The following HDAC9 variants were observed in gnomAD, a reference collection of about 807,000 sequenced individuals.
HDAC9 encodes the protein MEF-2 interacting transcription repressor (MITR) protein.
In HDAC9, 41 loss-of-function variants were observed where a neutral mutation model predicts 139.4. That is an observed-to-expected ratio of 0.29 (90% CI 0.23 to 0.38). HDAC9 has a LOEUF of 0.38. Among genes scored for constraint, HDAC9 ranks in the 10% least tolerant of loss-of-function variants. The pLI is 1.00. For synonymous variants in HDAC9, 517 were observed against 476.2 expected (o/e 1.09, Z -1.12); for missense variants, 1,147 against 1,297.0 (o/e 0.88, Z 1.78).
intron 8 of HDAC9, among the ~76,000 whole-genome samples, chr7:18,642,904 G>A (rs955319026): frequency 2.6e-5 from 4 of 152,040 alleles, no homozygotes; most frequent in Non-Finnish European, 5.9e-5. Context: ...CTCCCAGTCC[G>A]TGTCAAATCC....
At chr7:18,451,621 A>T (rs1792873642) in intron 1 of HDAC9, among the ~76,000 whole-genome samples, 1 of 151,810 alleles carries the variant, frequency 6.6e-6, no homozygotes, top group Admixed American at 6.6e-5. Context: ...CCACTGATTT[A>T]TGTGGATATA....
chr7:18,451,977 G>T (rs1388609308), intron 1 of HDAC9, among the ~76,000 whole-genome samples: 1 of 152,132 alleles, frequency 6.6e-6, no homozygotes, highest in African/African-American at 2.4e-5. Flanking sequence ...TATCCCAGAT[G>T]TTAAGGACTG....
intron 1 of HDAC9, among the ~76,000 whole-genome samples, chr7:18,339,900 G>A (rs1237905584): frequency 2.6e-5 from 4 of 151,388 alleles, no homozygotes; most frequent in African/African-American, 9.7e-5. Flanking sequence ...GTGCTAATGA[G>A]GTCAAGTATG....
chr7:18,759,932 G>T (rs1380839121), intron 14 of HDAC9, among the ~76,000 whole-genome samples: 1 of 152,132 alleles, frequency 6.6e-6, no homozygotes, highest in East Asian at 1.9e-4. Context: ...TGTTATACCG[G>T]AAGTAAAAAT....
intron 1 of HDAC9, among the ~76,000 whole-genome samples, chr7:18,334,978 A>G (rs1362117783): frequency 6.6e-6 from 1 of 151,498 alleles, no homozygotes; most frequent in Admixed American, 6.6e-5. Flanking sequence ...CACTTAGGAG[A>G]CAACTTTTCT....
chr7:18,188,647 C>T (rs1021085548), intron 2 of HDAC9, among the ~76,000 whole-genome samples: 1 of 152,090 alleles, frequency 6.6e-6, no homozygotes, highest in South Asian at 2.1e-4. Flanking sequence ...AACATATTTA[C>T]AAGAAAAAGA....
At chr7:18,468,591 G>A (rs778562634) in intron 1 of HDAC9, among the ~76,000 whole-genome samples, 8 of 152,168 alleles carry the variant, frequency 5.3e-5, no homozygotes, top group South Asian at 2.1e-4. Context: ...CTACAGGCAC[G>A]TGTCTCTTGG....
chr7:18,793,079 G>A, intron 16 of HDAC9: 1 of 429,754 alleles, frequency 2.3e-6, no homozygotes. Flanking sequence ...TGGCAGTGAG[G>A]CATGGCAGGA....
At chr7:18,587,411 C>T (rs967524078) in intron 3 of HDAC9, among the ~76,000 whole-genome samples, 1 of 152,068 alleles carries the variant, frequency 6.6e-6, no homozygotes, top group African/African-American at 2.4e-5. Flanking sequence ...ATTAATATTA[C>T]TTTTTCAGAT....
intron 16 of HDAC9, among the ~76,000 whole-genome samples, chr7:18,780,850 C>G (rs989197269): frequency 6.6e-6 from 1 of 152,036 alleles, no homozygotes; most frequent in African/African-American, 2.4e-5. Context: ...GACACTTGCA[C>G]TAGCCCATTG....
chr7:18,494,365 C>T (rs182575427), upstream of HDAC9, among the ~76,000 whole-genome samples: 70 of 152,138 alleles, frequency 4.6e-4, no homozygotes, highest in Admixed American at 2.4e-3. Context: ...ACTTCATACT[C>T]TGGAGTTGAC....
chr7:18,782,808 A>G (rs1211519608), intron 16 of HDAC9, among the ~76,000 whole-genome samples: 1 of 152,018 alleles, frequency 6.6e-6, no homozygotes, highest in Non-Finnish European at 1.5e-5. Context: ...GCTAACAATA[A>G]TCCTATGAGG....
intron 12 of HDAC9, among the ~76,000 whole-genome samples, chr7:18,712,928 C>A (rs1784447620): frequency 6.6e-6 from 1 of 152,122 alleles, no homozygotes; most frequent in Non-Finnish European, 1.5e-5. Flanking sequence ...TCTATTGATT[C>A]TATTTAGAGC....
intron 24 of HDAC9, among the ~76,000 whole-genome samples, chr7:18,954,740 T>C (rs1321873507): frequency 1.3e-5 from 2 of 152,040 alleles, no homozygotes; most frequent in African/African-American, 4.8e-5. Flanking sequence ...TAAGCACACA[T>C]GGGTGCACAC....
intron 1 of HDAC9, among the ~76,000 whole-genome samples, chr7:18,416,975 G>T (rs1027798852): frequency 2.6e-5 from 4 of 151,958 alleles, no homozygotes; most frequent in South Asian, 2.1e-4. Flanking sequence ...CTTGGGGTTC[G>T]CTGAGATTTT....
intron 7 of HDAC9, 23 bp from the exon 8 acceptor site, chr7:18,634,604 T>C (rs757628562): frequency 2.1e-6 from 3 of 1,428,368 alleles, no homozygotes; most frequent in Middle Eastern, 1.7e-4. Context: ...ATGAACACAT[T>C]TGTACTTCAC....
chr7:18,469,632 G>T (rs1757795408), intron 1 of HDAC9, among the ~76,000 whole-genome samples: 1 of 152,150 alleles, frequency 6.6e-6, no homozygotes, highest in Non-Finnish European at 1.5e-5. Context: ...AGGACCTCAT[G>T]CAAGAACACA....
chr7:18,732,138 G>A (rs1199588904), intron 13 of HDAC9, among the ~76,000 whole-genome samples: 1 of 152,184 alleles, frequency 6.6e-6, no homozygotes, highest in African/African-American at 2.4e-5. Context: ...GGGATTACAG[G>A]TGTGAGCTAC....
intron 21 of HDAC9, among the ~76,000 whole-genome samples, chr7:18,848,004 G>A (rs1404809936): frequency 2.0e-5 from 3 of 152,150 alleles, no homozygotes; most frequent in Non-Finnish European, 4.4e-5. Flanking sequence ...ACATTAATAT[G>A]ATCCAATTTC....
Sources: allele counts gnomAD v4.1 joint callset (sites outside exome capture counted in the v4.1 genomes callset), GRCh38; gene constraint gnomAD v4.1.1; transcripts MANE v1.5; gene names NCBI Gene and HGNC (gene_info 2026-07-23, HGNC 2026-07-21).